GABPB1: variants seen among roughly 807,000 people sequenced by gnomAD.
GABPB1 encodes GA-binding protein subunit beta-1.
A neutral mutation model predicts 45.9 loss-of-function variants in GABPB1; 15 were observed. The ratio of observed to expected loss-of-function variants is 0.33; its 90% CI spans 0.22 to 0.50. The LOEUF (loss-of-function observed/expected upper bound fraction) is 0.50, where lower values mean the gene tolerates loss of function less well. Ranked by LOEUF, GABPB1 falls within the 20% of genes least tolerant of loss-of-function variation. The probability of loss-of-function intolerance (pLI) is 0.98; values close to 1 mark genes in which losing one functional copy is unlikely to be tolerated. For synonymous variants in GABPB1, 143 were observed against 154.4 expected (o/e 0.93, Z 0.55); for missense variants, 252 against 457.5 (o/e 0.55, Z 4.10).
intron 7 of GABPB1, among the ~76,000 whole-genome samples, chr15:50,288,765 A>C (rs1367362303): frequency 6.6e-6 from 1 of 151,966 alleles, no homozygotes; most frequent in Non-Finnish European, 1.5e-5. Flanking sequence ...AAATGTTAGA[A>C]TTCACAATAA....
chr15:50,281,463 G>A (rs958597417), intron 8 of GABPB1, among the ~76,000 whole-genome samples: 2 of 152,276 alleles, frequency 1.3e-5, no homozygotes, highest in East Asian at 1.9e-4. Context: ...TGCCCGCCTT[G>A]GCCTCCCAAA....
At chr15:50,318,256 T>C (rs1344393912) in intron 1 of GABPB1, among the ~76,000 whole-genome samples, 1 of 152,172 alleles carries the variant, frequency 6.6e-6, no homozygotes, top group Non-Finnish European at 1.5e-5. Context: ...GTGTTCTAAG[T>C]TGAAGAACAC....
chr15:50,328,503 G>A lies in GABPB1; in HGVS notation c.1-18705C>T, dbSNP rs1452700851. Reference sequence around the variant, plus strand: ...AAGTCTCTGAAGTTAATTAAAATTCGGATTTAATATTTTAGACAAAAAATG... The same window carrying A: ...AAGTCTCTGAAGTTAATTAAAATTCAGATTTAATATTTTAGACAAAAAATG... On this transcript the variant is annotated intron_variant, in intron 1 of 8. Transcript: ENST00000380877. Among the ~76,000 whole-genome samples the A allele has an allele frequency of 1.4e-4, 21 of 152,058 alleles. No individual in the cohort carries two copies. The East Asian group carries it at 3.5e-3, about 25-fold the overall frequency.
intron 1 of GABPB1, among the ~76,000 whole-genome samples, chr15:50,325,374 G>A (rs2047714591): frequency 6.6e-6 from 1 of 150,742 alleles, no homozygotes; most frequent in Non-Finnish European, 1.5e-5. Context: ...CAGATCAGCT[G>A]TGTGACCCAG....
chr15:50,289,843 G>A (rs940232459), intron 6 of GABPB1, among the ~76,000 whole-genome samples, 175 bp from the exon 7 acceptor site: 2 of 151,374 alleles, frequency 1.3e-5, no homozygotes, highest in African/African-American at 4.9e-5. Flanking sequence ...CACAATCATG[G>A]CTCACTGCAT....
chr15:50,283,802 G>A (rs1473165896), intron 8 of GABPB1, among the ~76,000 whole-genome samples: 3 of 152,074 alleles, frequency 2.0e-5, no homozygotes, highest in Non-Finnish European at 2.9e-5. Flanking sequence ...GTAGGCCACC[G>A]CACCCAGCCA....
chr15:50,302,788 A>C (rs1233255218), intron 4 of GABPB1, 141 bp downstream of exon 4: 2 of 582,056 alleles, frequency 3.4e-6, no homozygotes, highest in Non-Finnish European at 5.9e-6. Flanking sequence ...AGGAAGTGAA[A>C]GAGAAAAAGG....
At chr15:50,348,731 G>A (rs762033633) in intron 1 of GABPB1, among the ~76,000 whole-genome samples, 6 of 152,032 alleles carry the variant, frequency 3.9e-5, no homozygotes, top group Admixed American at 6.5e-5. Flanking sequence ...GCGTCGTGGC[G>A]CGCACCTGTA....
At chr15:50,283,361 A>G (rs1169307532) in intron 8 of GABPB1, among the ~76,000 whole-genome samples, 1 of 152,108 alleles carries the variant, frequency 6.6e-6, no homozygotes, top group East Asian at 1.9e-4. Context: ...CCAAAAAAAA[A>G]AACCTATTTT....
In GABPB1 at chr15:50,282,599, A is replaced by G. The variant is rs1030920756; in HGVS notation, c.999+3469T>C. ...AACAGAGACGGATGTGACTATAAAC[A>G]TTTTTAAATTGTGGCAGATCAGGAA... On this transcript the variant is annotated intron_variant, in intron 8 of 8. Transcript: ENST00000380877. Among the ~76,000 whole-genome samples, 42 of 150,708 alleles carry G rather than the reference A, an allele frequency of 2.8e-4. 1 individual carries two copies. The highest frequency in any genetic ancestry group is 9.2e-4 in the African/African-American group (38 of 41,100).
At chr15:50,285,717 A>C (rs1451215964) in intron 8 of GABPB1, among the ~76,000 whole-genome samples, 1 of 152,068 alleles carries the variant, frequency 6.6e-6, no homozygotes, top group Non-Finnish European at 1.5e-5. Context: ...AGTTTTGAAC[A>C]ACAAAAAAAA....
intron 1 of GABPB1, among the ~76,000 whole-genome samples, chr15:50,344,353 CTTTG>C (rs1358580224): frequency 1.3e-5 from 2 of 152,170 alleles, no homozygotes; most frequent in African/African-American, 4.8e-5. Flanking sequence ...GTTCAATTCA[CTTTG>C]TTTGACAGAA....
At chr15:50,303,665 G>A (rs183556388) in intron 3 of GABPB1, among the ~76,000 whole-genome samples, 2 of 142,640 alleles carry the variant, frequency 1.4e-5, no homozygotes, top group East Asian at 2.0e-4. Context: ...CTGGGTGACA[G>A]AGATTCTGTC....
At chr15:50,309,363 C>A (rs1407546017) in intron 2 of GABPB1, among the ~76,000 whole-genome samples, 1 of 152,082 alleles carries the variant, frequency 6.6e-6, no homozygotes. Flanking sequence ...CAGTATCTTT[C>A]TGAATTATAA....
At chr15:50,312,016 T>C (rs2047145752) in intron 1 of GABPB1, among the ~76,000 whole-genome samples, 1 of 152,100 alleles carries the variant, frequency 6.6e-6, no homozygotes, top group Non-Finnish European at 1.5e-5. Flanking sequence ...CAAGAAAGAA[T>C]TTCTTAGAAT....
chr15:50,329,097 A>T (rs969082285), intron 1 of GABPB1, among the ~76,000 whole-genome samples: 12 of 152,192 alleles, frequency 7.9e-5, no homozygotes, highest in African/African-American at 2.9e-4. Context: ...GTTTTGGCAC[A>T]AGAATGTTCC....
At chr15:50,321,776 G>A (rs1004234415) in intron 1 of GABPB1, among the ~76,000 whole-genome samples, 8 of 151,446 alleles carry the variant, frequency 5.3e-5, no homozygotes, top group Non-Finnish European at 1.2e-4. Flanking sequence ...AGAAACTCCA[G>A]AAATACTTGG....
intron 1 of GABPB1, among the ~76,000 whole-genome samples, chr15:50,334,763 G>A (rs1029920016): frequency 6.6e-6 from 1 of 151,938 alleles, no homozygotes; most frequent in East Asian, 1.9e-4. Flanking sequence ...CCAAAAATTC[G>A]ATTTGGTTTT....
intron 2 of GABPB1, among the ~76,000 whole-genome samples, chr15:50,306,102 G>A (rs965741170): frequency 2.0e-5 from 3 of 152,104 alleles, no homozygotes; most frequent in Non-Finnish European, 1.5e-5. Context: ...AGCCTCCAGA[G>A]TAGCTAGGAC....
Sources: allele counts gnomAD v4.1 joint callset (sites outside exome capture counted in the v4.1 genomes callset), GRCh38; gene constraint gnomAD v4.1.1; transcripts MANE v1.5; gene names NCBI Gene and HGNC (gene_info 2026-07-23, HGNC 2026-07-21).